The following TCTN2 variants were observed in gnomAD, a reference collection of about 807,000 sequenced individuals.
TCTN2 encodes the protein tectonic family member 2, also known as tectonic-2.
TCTN2 carries 66 observed loss-of-function variants against 83.4 expected under a neutral mutation model. The observed-to-expected ratio is 0.79, with a 90% CI of 0.65 to 0.97. TCTN2 has a LOEUF of 0.97. Among genes scored for constraint, TCTN2 ranks in the 50% least tolerant of loss-of-function variants. TCTN2 has a pLI of 0.00. For missense variants in TCTN2, 794 were observed against 858.1 expected, an observed-to-expected ratio of 0.93 and a Z score of 0.93; for synonymous variants, 301 against 326.7, an observed-to-expected ratio of 0.92 and a Z score of 0.85.
At chr12:123,702,599 C>T (rs1055461601) in intron 14 of TCTN2, among the ~76,000 whole-genome samples, 1 of 152,182 alleles carries the variant, frequency 6.6e-6, no homozygotes, top group African/African-American at 2.4e-5. Context: ...GCACTGGGCC[C>T]AGACCTAGAT....
intron 3 of TCTN2, among the ~76,000 whole-genome samples, chr12:123,672,384 AT>A (rs1955765498): frequency 6.6e-6 from 1 of 151,974 alleles, no homozygotes. Context: ...GTGTATGTGC[AT>A]TTTTCTGATG....
intron 5 of TCTN2, among the ~76,000 whole-genome samples, chr12:123,686,128 C>A (rs1456415509): frequency 6.6e-6 from 1 of 151,950 alleles, no homozygotes; most frequent in Non-Finnish European, 1.5e-5. Flanking sequence ...CTCACTGCAA[C>A]CTCTGCCTCC....
chr12:123,682,101 G>A (rs1434458396), intron 5 of TCTN2, among the ~76,000 whole-genome samples: 1 of 152,144 alleles, frequency 6.6e-6, no homozygotes, highest in African/African-American at 2.4e-5. Flanking sequence ...TTCCCAAGTG[G>A]CTGGAACCAC....
intron 7 of TCTN2, among the ~76,000 whole-genome samples, chr12:123,688,564 T>G (rs1472910127): frequency 6.6e-6 from 1 of 152,028 alleles, no homozygotes; most frequent in Non-Finnish European, 1.5e-5. Context: ...TTAAGTCATA[T>G]TTCTCTTTAA....
At chr12:123,695,322 T>G in intron 11 of TCTN2, 25 bp downstream of exon 11, 1 of 1,477,378 alleles carries the variant, frequency 6.8e-7, no homozygotes, top group Non-Finnish European at 9.5e-7. Context: ...TGCCAGTCAT[T>G]GATCTTACAA....
intron 15 of TCTN2, 36 bp from the exon 16 acceptor site, chr12:123,706,690 G>T (rs910424233): frequency 1.9e-6 from 3 of 1,613,612 alleles, no homozygotes; most frequent in East Asian, 2.2e-5. Flanking sequence ...AGAACTGAAT[G>T]GTGGCTATGC....
At position 123,699,783 on chromosome 12, in the gene TCTN2, C is replaced by T. The variant is rs113301547; in HGVS notation, c.1585C>T (p.Leu529Phe). 6.2e-6 allele frequency: 10 copies of T among 1,614,112 alleles called. No individual in the cohort carries two copies. The highest frequency in any genetic ancestry group is 8.5e-6 in the Non-Finnish European group (10 of 1,179,998). Residue 529 changes from leucine to phenylalanine, a missense_variant, in exon 14 of 18, where the codon CTT (leucine) becomes TTT (phenylalanine). Physicochemically the swap from Leu to Phe is conservative, Grantham distance 22. Transcript: ENST00000303372. Reference sequence around the variant, plus strand: ...GAGAGGCAACTCCGATTACGCTGATCTTAGTGATGGCTGGCTCGAAATAAT... The same window carrying T: ...GAGAGGCAACTCCGATTACGCTGATTTTAGTGATGGCTGGCTCGAAATAAT... ...AMRGNSDYAD[L>F]SDGWLEIIRV...
intron 5 of TCTN2, among the ~76,000 whole-genome samples, chr12:123,686,440 C>G (rs941806542): frequency 6.6e-6 from 1 of 152,200 alleles, no homozygotes; most frequent in Non-Finnish European, 1.5e-5. Context: ...TCCCCTCACT[C>G]TAAATGTCTG....
intron 5 of TCTN2, among the ~76,000 whole-genome samples, chr12:123,683,055 C>T (rs913158579): frequency 1.3e-5 from 2 of 151,160 alleles, no homozygotes; most frequent in Non-Finnish European, 2.9e-5. Context: ...GAAACCCCAT[C>T]TGTACTAAAA....
chr12:123,691,774 C>T (rs1196808522), intron 8 of TCTN2, among the ~76,000 whole-genome samples: 1 of 151,714 alleles, frequency 6.6e-6, no homozygotes, highest in African/African-American at 2.4e-5. Flanking sequence ...CTCTGTCACC[C>T]AGGCTGGAGT....
chr12:123,690,471 G>C (rs1385498385), intron 7 of TCTN2, 62 bp from the exon 8 acceptor site: 1 of 1,611,052 alleles, frequency 6.2e-7, no homozygotes, highest in Non-Finnish European at 8.5e-7. Flanking sequence ...AAGGGATGCT[G>C]ATCTGTTTTG....
chr12:123,685,676 C>T (rs1045071364), intron 5 of TCTN2, among the ~76,000 whole-genome samples: 4 of 151,726 alleles, frequency 2.6e-5, no homozygotes, highest in Non-Finnish European at 4.4e-5. Flanking sequence ...GCCTCAGCCT[C>T]CCAAAGTGCT....
At chr12:123,696,997 T>TA (rs1440718768) in intron 12 of TCTN2, 90 bp from the exon 13 acceptor site, 1 of 1,037,258 alleles carries the variant, frequency 9.6e-7, no homozygotes, top group African/African-American at 1.6e-5. Context: ...TATTTCTACT[T>TA]ACTGTTTTCT....
chr12:123,707,430 G>A (rs1179451146), intron 17 of TCTN2, among the ~76,000 whole-genome samples, 174 bp from the exon 18 acceptor site: 1 of 152,026 alleles, frequency 6.6e-6, no homozygotes, highest in Admixed American at 6.6e-5. Context: ...TAGTAGAGAC[G>A]GGGTTTCACT....
chr12:123,683,128 C>T (rs1425695439), intron 5 of TCTN2, among the ~76,000 whole-genome samples: 9 of 151,428 alleles, frequency 5.9e-5, no homozygotes, highest in South Asian at 2.1e-4. Flanking sequence ...GCGGCTGAGG[C>T]GGGAGAATCA....
chr12:123,675,212 T>A (rs1057486568), intron 4 of TCTN2, among the ~76,000 whole-genome samples: 1 of 152,216 alleles, frequency 6.6e-6, no homozygotes, highest in Non-Finnish European at 1.5e-5. Context: ...CAAAGATCGT[T>A]ATGCCCGTGT....
chr12:123,694,429 A>G (rs1207052687), intron 9 of TCTN2, among the ~76,000 whole-genome samples: 2 of 152,306 alleles, frequency 1.3e-5, no homozygotes, highest in Admixed American at 1.3e-4. Context: ...GTACTTCTCA[A>G]ATTTATTCAT....
In TCTN2 at chr12:123,706,827, C is replaced by A; in HGVS notation, c.1871C>A (p.Ala624Glu). 1 of 1,614,148 alleles carries A rather than the reference C, an allele frequency of 6.2e-7. No individual in the cohort carries two copies. The highest frequency in any genetic ancestry group is 1.1e-5 in the South Asian group (1 of 91,080). ...SASVQFIKIP[A>E]QLPHPLTRFQ... ...TCCGTCCAGTTTATTAAAATTCCTGCACAGTTACCCCACCCCCTGACAAGG... is the reference window on the plus strand; with the variant it reads ...TCCGTCCAGTTTATTAAAATTCCTGAACAGTTACCCCACCCCCTGACAAGG... Residue 624 changes from alanine (A) to glutamate (E), a missense_variant, in exon 16 of 18, where the codon GCA (alanine) becomes GAA (glutamate). Transcript: ENST00000303372.
intron 5 of TCTN2, among the ~76,000 whole-genome samples, chr12:123,680,613 T>C (rs1233808916): frequency 1.6e-4 from 24 of 151,228 alleles, no homozygotes; most frequent in Admixed American, 1.5e-3. Context: ...ACCTCCTGGA[T>C]TCAAGTGATT....
Sources: allele counts gnomAD v4.1 joint callset (sites outside exome capture counted in the v4.1 genomes callset), GRCh38; gene constraint gnomAD v4.1.1; transcripts MANE v1.5; gene names NCBI Gene and HGNC (gene_info 2026-07-23, HGNC 2026-07-21).